Variants in ZMAT4 observed in about 807,000 individuals in gnomAD.
ZMAT4 encodes zinc finger matrin-type 4, also known as zinc finger matrin-type protein 4.
In ZMAT4, 17 loss-of-function variants were observed where a neutral mutation model predicts 28.7. The ratio of observed to expected loss-of-function variants is 0.59; its 90% CI spans 0.41 to 0.89. The LOEUF (loss-of-function observed/expected upper bound fraction) is 0.89, where lower values mean the gene tolerates loss of function less well. Ranked by LOEUF, ZMAT4 falls within the 40% of genes least tolerant of loss-of-function variation. ZMAT4 has a pLI of 0.00. For missense variants in ZMAT4, 240 were observed against 283.8 expected, an observed-to-expected ratio of 0.85 and a Z score of 1.11; for synonymous variants, 117 against 109.2, an observed-to-expected ratio of 1.07 and a Z score of -0.44.
chr8:40,759,934 C>T (rs990406721), intron 3 of ZMAT4, among the ~76,000 whole-genome samples: 3 of 152,156 alleles, frequency 2.0e-5, no homozygotes, highest in Admixed American at 6.5e-5. Flanking sequence ...TTCTTCAGCT[C>T]ATAAATAATT....
At chr8:40,892,503 T>C (rs973250694) in intron 1 of ZMAT4, among the ~76,000 whole-genome samples, 4 of 152,234 alleles carry the variant, frequency 2.6e-5, no homozygotes, top group Non-Finnish European at 4.4e-5. Flanking sequence ...CAATAAATAT[T>C]GCTTAACCAC....
At chr8:40,630,221 G>A (rs1172580560) in intron 5 of ZMAT4, among the ~76,000 whole-genome samples, 1 of 152,120 alleles carries the variant, frequency 6.6e-6, no homozygotes, top group Non-Finnish European at 1.5e-5. Context: ...GTGTTAACTG[G>A]TATAAGAAAT....
At chr8:40,748,989 A>C (rs1812351532) in intron 3 of ZMAT4, among the ~76,000 whole-genome samples, 1 of 151,924 alleles carries the variant, frequency 6.6e-6, no homozygotes, top group African/African-American at 2.4e-5. Flanking sequence ...GGAAGCGCAT[A>C]AGTCTCATGA....
At chr8:40,655,059 T>TACACACACAAACACACACAC (rs1554534103) in intron 5 of ZMAT4, among the ~76,000 whole-genome samples, 9 of 148,792 alleles carry the variant, frequency 6.0e-5, no homozygotes, top group Admixed American at 1.3e-4. Context: ...AAGGAATACC[T>TACACACACAAACACACACAC]ACACACACAC....
chr8:40,729,701 T>C (rs1377634753), intron 3 of ZMAT4, among the ~76,000 whole-genome samples: 2 of 151,508 alleles, frequency 1.3e-5, no homozygotes, highest in Non-Finnish European at 2.9e-5. Flanking sequence ...TTCAAGTAAA[T>C]GATTCTCCTG....
At chr8:40,561,685 C>T (rs1803744665) in intron 6 of ZMAT4, among the ~76,000 whole-genome samples, 1 of 152,158 alleles carries the variant, frequency 6.6e-6, no homozygotes. Context: ...TTGTTCAACC[C>T]CCAGCCCACA....
chr8:40,722,842 T>A (rs911014194), intron 3 of ZMAT4, among the ~76,000 whole-genome samples: 4 of 151,990 alleles, frequency 2.6e-5, no homozygotes, highest in African/African-American at 4.8e-5. Flanking sequence ...CTCACATACA[T>A]CTCCACCTGT....
At chr8:40,846,376 G>A (rs577969561) in intron 1 of ZMAT4, among the ~76,000 whole-genome samples, 10 of 152,274 alleles carry the variant, frequency 6.6e-5, no homozygotes, top group African/African-American at 1.9e-4. Context: ...GAGCAAAGGC[G>A]CAGAGCTCAG....
intron 3 of ZMAT4, among the ~76,000 whole-genome samples, chr8:40,741,999 G>C (rs1330158308): frequency 6.6e-6 from 1 of 152,128 alleles, no homozygotes; most frequent in Admixed American, 6.5e-5. Flanking sequence ...AATACTTTGA[G>C]AGGCTGAGGC....
intron 6 of ZMAT4, among the ~76,000 whole-genome samples, chr8:40,580,414 A>G (rs1428446479): frequency 2.0e-5 from 3 of 152,208 alleles, no homozygotes; most frequent in Non-Finnish European, 4.4e-5. Context: ...AGGTCTTGAT[A>G]CAGTCCAATA....
chr8:40,742,109 C>T (rs200973792), intron 3 of ZMAT4, among the ~76,000 whole-genome samples: 2 of 46,206 alleles, frequency 4.3e-5, no homozygotes, highest in Non-Finnish European at 9.6e-5. Context: ...AACAAAAAAC[C>T]AAGCTGGGTG....
chr8:40,626,744 A>G (rs1320522008), intron 5 of ZMAT4, among the ~76,000 whole-genome samples: 1 of 152,214 alleles, frequency 6.6e-6, no homozygotes, highest in Non-Finnish European at 1.5e-5. Context: ...GAGAAGGCAA[A>G]GCAACACTGG....
At chr8:40,783,862 T>A (rs1185470143) in intron 2 of ZMAT4, among the ~76,000 whole-genome samples, 1 of 151,952 alleles carries the variant, frequency 6.6e-6, no homozygotes, top group Non-Finnish European at 1.5e-5. Flanking sequence ...AATAAAAAAA[T>A]TAGCTGGGCG....
intron 6 of ZMAT4, among the ~76,000 whole-genome samples, chr8:40,535,271 A>T (rs1480010010): frequency 6.6e-6 from 1 of 152,094 alleles, no homozygotes; most frequent in African/African-American, 2.4e-5. Context: ...TTCTTCCACC[A>T]CTAGTCTTTC....
At chr8:40,818,218 C>T (rs1815619242) in intron 2 of ZMAT4, among the ~76,000 whole-genome samples, 1 of 152,118 alleles carries the variant, frequency 6.6e-6, no homozygotes, top group Non-Finnish European at 1.5e-5. Flanking sequence ...CTAACAATGA[C>T]TGATAAAAGG....
intron 2 of ZMAT4, among the ~76,000 whole-genome samples, chr8:40,797,288 G>A (rs1169003432): frequency 1.3e-5 from 2 of 152,148 alleles, no homozygotes; most frequent in African/African-American, 4.8e-5. Flanking sequence ...TGCACTTAGG[G>A]CCACTTGAGT....
intron 5 of ZMAT4, among the ~76,000 whole-genome samples, chr8:40,590,767 CCTG>C (rs1424919009): frequency 6.6e-6 from 1 of 151,572 alleles, no homozygotes; most frequent in Non-Finnish European, 1.5e-5. Flanking sequence ...TCATATTGAA[CCTG>C]CTATCAATCA....
intron 5 of ZMAT4, among the ~76,000 whole-genome samples, chr8:40,618,142 A>G (rs1806078112): frequency 6.6e-6 from 1 of 152,224 alleles, no homozygotes; most frequent in South Asian, 2.1e-4. Context: ...TAACAAGGTA[A>G]CCAACCCTAG....
intron 4 of ZMAT4, among the ~76,000 whole-genome samples, chr8:40,681,448 C>T (rs1420800642): frequency 1.3e-5 from 2 of 152,054 alleles, no homozygotes; most frequent in African/African-American, 2.4e-5. Flanking sequence ...TGTTTTTTTG[C>T]AAATGCTACC....
Sources: allele counts gnomAD v4.1 joint callset (sites outside exome capture counted in the v4.1 genomes callset), GRCh38; gene constraint gnomAD v4.1.1; transcripts MANE v1.5; gene names NCBI Gene and HGNC (gene_info 2026-07-23, HGNC 2026-07-21).